Variants in ANK2 observed in about 807,000 individuals in gnomAD.
ANK2 encodes ankyrin 2.
In ANK2, 83 loss-of-function variants were observed where a neutral mutation model predicts 360.5. The ratio of observed to expected loss-of-function variants is 0.23; its 90% CI spans 0.19 to 0.28. The LOEUF is 0.28. Among genes scored for constraint, ANK2 ranks in the 10% least tolerant of loss-of-function variants. The pLI is 1.00. For missense variants in ANK2, 4,201 were observed against 4,795.7 expected, an observed-to-expected ratio of 0.88 and a Z score of 3.66; for synonymous variants, 1,740 against 1,759.5, an observed-to-expected ratio of 0.99 and a Z score of 0.28.
At chr4:112,742,345 G>A in the ANK2 span, among the ~76,000 whole-genome samples, 8 of 152,188 alleles carry the variant, frequency 5.3e-5, no homozygotes, top group Admixed American at 2.0e-4. Flanking sequence ...GCTTCACAGA[G>A]GTGAAATTCA....
chr4:112,903,739 C>A (rs935341379), intron 1 of ANK2, among the ~76,000 whole-genome samples: 1 of 152,104 alleles, frequency 6.6e-6, no homozygotes. Context: ...TAAATCAAAT[C>A]TTTTGAAAGG....
chr4:112,968,020 T>G (rs1018133220), intron 2 of ANK2, among the ~76,000 whole-genome samples: 2 of 151,964 alleles, frequency 1.3e-5, no homozygotes, highest in African/African-American at 4.8e-5. Context: ...ATTAGATGAT[T>G]TTTATGTTTT....
chr4:112,954,366 G>A (rs1041295561), intron 2 of ANK2, among the ~76,000 whole-genome samples: 7 of 152,034 alleles, frequency 4.6e-5, no homozygotes, highest in African/African-American at 1.7e-4. Context: ...CTGAACCAAG[G>A]CAAGATGTTA....
chr4:112,730,252 C>CAAAAAAAAAAAA, the ANK2 span, among the ~76,000 whole-genome samples: 9 of 50,898 alleles, frequency 1.8e-4, no homozygotes, highest in African/African-American at 2.5e-4. Context: ...GACTCTGTCT[C>CAAAAAAAAAAAA]AAAAAAAAAA....
At chr4:113,137,821 A>G (rs1369576272) in intron 1 of ANK2, among the ~76,000 whole-genome samples, 1 of 152,192 alleles carries the variant, frequency 6.6e-6, no homozygotes, top group East Asian at 1.9e-4. Flanking sequence ...TCAAAATGAC[A>G]GCTGATAGTG....
rs1270686506 is a variant in ANK2, at chr4:112,901,520, T to A, written c.-39-2935T>A. Among the ~76,000 whole-genome samples, 3 of 152,298 alleles carry A rather than the reference T, an allele frequency of 2.0e-5. No individual in the cohort carries two copies. The East Asian group carries it at 5.8e-4, about 29-fold the overall frequency. On this transcript the variant is annotated intron_variant, in intron 1 of 30. Transcript: ENST00000503271. The stretch of plus-strand genomic sequence containing the variant: ...TGTCTAGTTAATTTTTTGTTACAAA[T>A]GGTTTTCAGTGTTGTTTCTTTGCAA...
At chr4:113,230,747 C>G (rs2099282414) in intron 4 of ANK2, among the ~76,000 whole-genome samples, 1 of 152,106 alleles carries the variant, frequency 6.6e-6, no homozygotes, top group Non-Finnish European at 1.5e-5. Context: ...TTTGCCCATT[C>G]AAATTTAATT....
chr4:113,139,400 G>C (rs931701074), intron 1 of ANK2, among the ~76,000 whole-genome samples: 4 of 152,120 alleles, frequency 2.6e-5, no homozygotes, highest in Admixed American at 2.6e-4. Flanking sequence ...TCAAAAAATA[G>C]CTATTACAGC....
At chr4:113,041,356 C>G (rs1272384655) in intron 2 of ANK2, among the ~76,000 whole-genome samples, 1 of 152,076 alleles carries the variant, frequency 6.6e-6, no homozygotes, top group Non-Finnish European at 1.5e-5. Flanking sequence ...ATATATTTTA[C>G]TAAGGAACCA....
chr4:113,201,186 G>A (rs1269479273), intron 4 of ANK2, among the ~76,000 whole-genome samples: 1 of 152,004 alleles, frequency 6.6e-6, no homozygotes, highest in East Asian at 1.9e-4. Flanking sequence ...AGTTTTTTGA[G>A]CTATCCCAAT....
intron 2 of ANK2, among the ~76,000 whole-genome samples, chr4:112,990,113 A>G (rs894893250): frequency 3.9e-5 from 6 of 152,074 alleles, no homozygotes; most frequent in Non-Finnish European, 8.8e-5. Context: ...CTACAAAAAA[A>G]TTAAAATTAC....
At chr4:113,115,024 T>A (rs2094625716) in intron 1 of ANK2, among the ~76,000 whole-genome samples, 1 of 152,192 alleles carries the variant, frequency 6.6e-6, no homozygotes, top group Admixed American at 6.5e-5. Context: ...CCAGATGGCA[T>A]TCAGAACACC....
At chr4:112,774,375 C>G in the ANK2 span, among the ~76,000 whole-genome samples, 2 of 151,866 alleles carry the variant, frequency 1.3e-5, no homozygotes, top group Non-Finnish European at 2.9e-5. Context: ...AAATAGAAAA[C>G]ATTAGGCAGG....
chr4:113,136,256 C>T (rs75587989), intron 1 of ANK2, among the ~76,000 whole-genome samples: 1,741 of 152,260 alleles, frequency 0.011, 81 homozygotes, highest in Admixed American at 0.071. Context: ...TCTGTGTCCA[C>T]AGCAGGCTCC....
At chr4:113,020,482 A>G (rs751392316) in intron 2 of ANK2, among the ~76,000 whole-genome samples, 4 of 152,136 alleles carry the variant, frequency 2.6e-5, no homozygotes, top group African/African-American at 4.8e-5. Context: ...GGCGTGAGCT[A>G]TGGTGCCCAG....
chr4:112,729,747 CAAA>C, the ANK2 span, among the ~76,000 whole-genome samples: 2 of 70,336 alleles, frequency 2.8e-5, no homozygotes, highest in African/African-American at 5.0e-5. Flanking sequence ...GACTCTGTCT[CAAA>C]AAAAAAAAAA....
chr4:113,045,650 A>G (rs1363794287), upstream of ANK2, among the ~76,000 whole-genome samples: 6 of 152,174 alleles, frequency 3.9e-5, no homozygotes, highest in Non-Finnish European at 7.3e-5. Flanking sequence ...GAGAACAACA[A>G]AGATCTCTGT....
At chr4:113,374,033 C>T (rs924628528) in intron 45 of ANK2, among the ~76,000 whole-genome samples, 7 of 152,210 alleles carry the variant, frequency 4.6e-5, no homozygotes, top group African/African-American at 1.7e-4. Flanking sequence ...AAGCAATTCT[C>T]CTGCTTCAGC....
chr4:113,230,392 G>C (rs954447987), intron 4 of ANK2, among the ~76,000 whole-genome samples: 4 of 151,862 alleles, frequency 2.6e-5, no homozygotes, highest in African/African-American at 9.7e-5. Flanking sequence ...TTTTCTCCCT[G>C]TAGTCCCAGC....
Sources: gnomAD v4.1 joint callset for allele counts (sites outside exome capture counted in the v4.1 genomes callset) on GRCh38, gnomAD v4.1.1 for gene constraint, MANE v1.5 for transcripts, NCBI Gene and HGNC (gene_info 2026-07-23, HGNC 2026-07-21) for gene names.